NELL1: variants seen among roughly 807,000 people sequenced by gnomAD.
NELL1 encodes the protein protein kinase C-binding protein NELL1.
NELL1 carries 76 observed loss-of-function variants against 107.4 expected under a neutral mutation model. That is an observed-to-expected ratio of 0.71 (90% CI 0.59 to 0.86). The LOEUF (loss-of-function observed/expected upper bound fraction) is 0.86, where lower values mean the gene tolerates loss of function less well. Among genes scored for constraint, NELL1 ranks in the 40% least tolerant of loss-of-function variants. NELL1 has a pLI of 0.00. For synonymous variants in NELL1, 353 were observed against 341.2 expected (o/e 1.03, Z -0.38); for missense variants, 1,024 against 1,005.5 (o/e 1.02, Z -0.25).
intron 12 of NELL1, among the ~76,000 whole-genome samples, chr11:21,094,951 A>T (rs1854606366): frequency 6.6e-6 from 1 of 152,174 alleles, no homozygotes; most frequent in African/African-American, 2.4e-5. Context: ...GCTGGCTTGA[A>T]TTTCTCTTCA....
chr11:21,085,872 G>A (rs983439276), intron 12 of NELL1, among the ~76,000 whole-genome samples: 7 of 152,134 alleles, frequency 4.6e-5, no homozygotes, highest in Admixed American at 4.6e-4. Flanking sequence ...AGGAAGAGAG[G>A]GGTATGACCT....
chr11:20,685,878 C>T (rs1471001930), intron 2 of NELL1, among the ~76,000 whole-genome samples: 2 of 151,978 alleles, frequency 1.3e-5, no homozygotes, highest in South Asian at 2.1e-4. Context: ...ATCCTCACTA[C>T]TATGATATAA....
At chr11:21,468,690 G>A (rs57885852) in intron 15 of NELL1, among the ~76,000 whole-genome samples, 9,459 of 152,064 alleles carry the variant, frequency 0.062, 650 homozygotes, top group East Asian at 0.16. Flanking sequence ...GATAAAATTC[G>A]AAAGCCCTCT....
chr11:21,394,382 G>A (rs375389349), intron 15 of NELL1, among the ~76,000 whole-genome samples: 6 of 151,152 alleles, frequency 4.0e-5, no homozygotes, highest in African/African-American at 1.5e-4. Flanking sequence ...CTCATGTAAG[G>A]TATATATACA....
chr11:20,962,482 T>C (rs7125512), intron 12 of NELL1, among the ~76,000 whole-genome samples: 1,531 of 152,290 alleles, frequency 0.01, 22 homozygotes, highest in African/African-American at 0.035. Flanking sequence ...TTTAGTTGTT[T>C]GTTGAAATCA....
chr11:20,875,925 A>C (rs1849295829), intron 4 of NELL1, among the ~76,000 whole-genome samples: 1 of 152,200 alleles, frequency 6.6e-6, no homozygotes, highest in African/African-American at 2.4e-5. Context: ...AAGGGGATGA[A>C]GCAGGTCACA....
In NELL1 at chr11:21,401,553, A is replaced by G. The variant is rs139378752; in HGVS notation, c.1645+30605A>G. ...CACTAGCCAAAAAGTGCAAACTGAC[A>G]CAAAAATGAGGCAGGGTTGGTTCAT... On this transcript the variant is annotated intron_variant, in intron 15 of 19. Coordinates refer to ENST00000357134, the MANE Select transcript of NELL1 (RefSeq NM_006157.5). 2.1e-3 allele frequency among the ~76,000 whole-genome samples: 314 copies of G among 150,600 alleles called. 7 individuals carry two copies. Among genetic ancestry groups the G allele is most frequent in the African/African-American group, 7.4e-3 (298 of 40,372 alleles).
chr11:20,987,076 C>T (rs1851868673), intron 12 of NELL1, among the ~76,000 whole-genome samples: 1 of 152,098 alleles, frequency 6.6e-6, no homozygotes, highest in African/African-American at 2.4e-5. Context: ...AGCCAATAAT[C>T]AAAATGGCTT....
chr11:20,781,392 T>C (rs1856847179), intron 2 of NELL1, among the ~76,000 whole-genome samples: 1 of 152,158 alleles, frequency 6.6e-6, no homozygotes, highest in Non-Finnish European at 1.5e-5. Flanking sequence ...TTGAATTTAC[T>C]GCATAAGGGA....
chr11:20,803,033 AT>A (rs977915973), intron 3 of NELL1, among the ~76,000 whole-genome samples: 12 of 151,722 alleles, frequency 7.9e-5, no homozygotes, highest in Non-Finnish European at 1.6e-4. Context: ...AATTTTCTTT[AT>A]TTTTTTACAT....
At chr11:21,301,610 A>C (rs1849493373) in intron 14 of NELL1, among the ~76,000 whole-genome samples, 1 of 151,792 alleles carries the variant, frequency 6.6e-6, no homozygotes, top group Non-Finnish European at 1.5e-5. Context: ...TTTTCTTGTA[A>C]ATTTGCTTAA....
chr11:20,795,847 G>A (rs1857159103), intron 3 of NELL1, among the ~76,000 whole-genome samples: 1 of 151,924 alleles, frequency 6.6e-6, no homozygotes. Context: ...CTCTCATGGT[G>A]GAAATAACTT....
intron 2 of NELL1, among the ~76,000 whole-genome samples, chr11:20,755,008 CAG>C (rs1856227603): frequency 6.6e-6 from 1 of 152,186 alleles, no homozygotes. Context: ...TCGCATTATA[CAG>C]AGAGTGGTTG....
chr11:21,236,823 A>G (rs1017236646), intron 14 of NELL1, among the ~76,000 whole-genome samples: 1 of 152,184 alleles, frequency 6.6e-6, no homozygotes, highest in Admixed American at 6.6e-5. Flanking sequence ...CATGGGGGAC[A>G]TGACAAGTTA....
chr11:20,991,652 C>T lies in NELL1; in HGVS notation c.1300+31092C>T, dbSNP rs552074973. Among the ~76,000 whole-genome samples the T allele has an allele frequency of 1.1e-4, 16 of 152,168 alleles. 1 individual carries two copies. In the South Asian group the frequency reaches 2.9e-3, roughly 28 times the overall value. On this transcript the variant is annotated intron_variant, in intron 12 of 19. Transcript: ENST00000357134. ...ACATTGGGACGTGCCTCGGATTGGTCGTTTGTTTGCATCAAATGGCACATG... is the reference window on the plus strand; with the variant it reads ...ACATTGGGACGTGCCTCGGATTGGTTGTTTGTTTGCATCAAATGGCACATG...
chr11:20,938,046 G>A (rs1225871292), intron 10 of NELL1, among the ~76,000 whole-genome samples, 187 bp downstream of exon 10: 1 of 152,142 alleles, frequency 6.6e-6, no homozygotes, highest in Admixed American at 6.5e-5. Context: ...TTAGCTTGTG[G>A]TCAGCTGTGG....
chr11:20,693,133 T>C (rs201023008), intron 2 of NELL1, among the ~76,000 whole-genome samples: 2 of 151,880 alleles, frequency 1.3e-5, no homozygotes, highest in Non-Finnish European at 2.9e-5. Flanking sequence ...GTTTTCCATT[T>C]GCTTGGTAGA....
At chr11:20,798,330 T>A (rs946504955) in intron 3 of NELL1, among the ~76,000 whole-genome samples, 1 of 152,222 alleles carries the variant, frequency 6.6e-6, no homozygotes, top group African/African-American at 2.4e-5. Context: ...TATAATACTT[T>A]GGGCAAATTG....
chr11:20,712,345 T>C (rs1293674686), intron 2 of NELL1, among the ~76,000 whole-genome samples: 1 of 152,198 alleles, frequency 6.6e-6, no homozygotes, highest in Non-Finnish European at 1.5e-5. Flanking sequence ...TAATTTTTCA[T>C]CCATAGCCTG....
Sources: allele counts gnomAD v4.1 joint callset (sites outside exome capture counted in the v4.1 genomes callset), GRCh38; gene constraint gnomAD v4.1.1; transcripts MANE v1.5; gene names NCBI Gene and HGNC (gene_info 2026-07-23, HGNC 2026-07-21).